ZFPM1: variants seen among roughly 807,000 people sequenced by gnomAD.
ZFPM1 encodes zinc finger protein, FOG family member 1.
In ZFPM1, 28 loss-of-function variants were observed where a neutral mutation model predicts 46.3. The observed-to-expected ratio is 0.60, with a 90% CI of 0.45 to 0.83. ZFPM1 has a LOEUF of 0.83. Ranked by LOEUF, ZFPM1 falls within the 40% of genes least tolerant of loss-of-function variation. The probability of loss-of-function intolerance (pLI) is 0.00; values close to 1 mark genes in which losing one functional copy is unlikely to be tolerated. For missense variants in ZFPM1, 1,878 were observed against 1,432.4 expected (o/e 1.31, Z -5.02); for synonymous variants, 957 against 675.9 (o/e 1.42, Z -6.45).
At chr16:88,518,204 CA>C (rs112046588) in intron 4 of ZFPM1, among the ~76,000 whole-genome samples, 2,129 of 116,246 alleles carry the variant, frequency 0.018, 56 homozygotes, top group Admixed American at 0.077. Context: ...GACTCCGTCT[CA>C]AAAAAAAAAA....
chr16:88,499,920 G>A (rs1256105816), intron 3 of ZFPM1, among the ~76,000 whole-genome samples: 1 of 152,208 alleles, frequency 6.6e-6, no homozygotes, highest in Non-Finnish European at 1.5e-5. Flanking sequence ...GACAGTGGAT[G>A]CCCCATGAGG....
At position 88,514,458 on chromosome 16, in the gene ZFPM1, T is replaced by C; in HGVS notation, c.340T>C (p.Ser114Pro). 6.4e-7 allele frequency: 1 copy of C among 1,559,612 alleles called. No individual in the cohort carries two copies. The highest frequency in any genetic ancestry group is 2.4e-5 in the East Asian group (1 of 41,846). The change falls in exon 4 of 10, where the codon TCC (serine) becomes CCC (proline). Residue 114 changes from serine (S) to proline (P), a missense_variant. By Grantham distance (74) the Ser-to-Pro change is moderately conservative. Transcript: ENST00000319555. ...RARLSLATGL[S>P]WGPFHGSVQT... The stretch of plus-strand genomic sequence containing the variant: ...CCGACTCAGCCTCGCCACGGGCCTG[T>C]CCTGGGGCCCGTTCCATGGGAGTGT...
rs946199710 is a variant in ZFPM1 at position 88,533,713 on chromosome 16, C to T, written c.1755C>T (p.Thr585=). The change falls in exon 10 of 10, where the codon ACC becomes ACT. Residue 585 remains threonine, a synonymous_variant. Coordinates refer to ENST00000319555, the MANE Select transcript of ZFPM1 (RefSeq NM_153813.3). ...CTACGTGCTTCGAGTGCGAGATCAC[C>T]TTCAGCAACGTCAACAACTACTACG... ...KGATCFECEI[T]FSNVNNYYVH... 2.0e-6 allele frequency: 3 copies of T among 1,512,400 alleles called. No homozygotes were observed. Among genetic ancestry groups the T allele is most frequent in the Non-Finnish European group, 2.7e-6 (3 of 1,124,804 alleles). The allele number at this position is 1,512,400 out of a possible 1,614,324, so 93.7% of individuals were successfully genotyped here. A position where few individuals can be genotyped will look rare whatever the true frequency, so the allele number is the denominator to read the frequency against.
rs755774717 is a variant in ZFPM1, at chr16:88,532,729, G to C, written c.1042+20G>C. 40 of 1,612,280 alleles carry C rather than the reference G, an allele frequency of 2.5e-5. No individual in the cohort carries two copies. The Middle Eastern group carries it at 4.9e-4, about 20-fold the overall frequency. On this transcript the variant is annotated intron_variant, in intron 8 of 9. Coordinates refer to ENST00000319555, the MANE Select transcript of ZFPM1 (RefSeq NM_153813.3). ...TGAGCGGTAGGCACCGCAGGGGCCG[G>C]GGGGTGTGTGGGTCCCGCCTCCCCG...
chr16:88,491,335 G>A (rs929050588), intron 3 of ZFPM1, among the ~76,000 whole-genome samples: 12 of 152,346 alleles, frequency 7.9e-5, no homozygotes, highest in South Asian at 4.1e-4. Flanking sequence ...CGCAGTGGCA[G>A]GGACCATTGT....
In ZFPM1 at chr16:88,534,381, C is replaced by A. The variant is rs765666484; in HGVS notation, c.2423C>A (p.Ala808Asp). ...SKKPRRPLPG[A>D]PAPALADYHE... The stretch of plus-strand genomic sequence containing the variant: ...AAGCCGCGGCGCCCGCTCCCCGGAG[C>A]CCCGGCACCGGCGCTGGCCGACTAC... Residue 808 changes from alanine to aspartate, a missense_variant, in exon 10 of 10, where the codon GCC becomes GAC. By Grantham distance (126) the Ala-to-Asp change is moderately radical. Transcript: ENST00000319555. 8.9e-6 allele frequency: 13 copies of A among 1,457,516 alleles called. No homozygotes were observed. The highest frequency in any genetic ancestry group is 7.4e-5 in the Admixed American group (3 of 40,622). 90.3% of individuals were successfully genotyped at this position (1,457,516 alleles called of 1,614,324 possible).
intron 4 of ZFPM1, among the ~76,000 whole-genome samples, chr16:88,526,461 G>A (rs4782343): frequency 0.05 from 5,144 of 103,202 alleles, 171 homozygotes; most frequent in East Asian, 0.23. Flanking sequence ...ACACAGATAC[G>A]CAGACCCGGG....
At chr16:88,530,126 G>C (rs1912670746) in intron 6 of ZFPM1, among the ~76,000 whole-genome samples, 2 of 152,162 alleles carry the variant, frequency 1.3e-5, no homozygotes, top group African/African-American at 4.8e-5. Flanking sequence ...CCTCCACCAG[G>C]ATGGAGAGGG....
intron 1 of ZFPM1, among the ~76,000 whole-genome samples, chr16:88,473,136 G>A (rs1201733991): frequency 6.6e-6 from 1 of 152,280 alleles, no homozygotes; most frequent in African/African-American, 2.4e-5. Context: ...CGAGGAAAAG[G>A]CTGAACTGAG....
intron 1 of ZFPM1, among the ~76,000 whole-genome samples, chr16:88,467,332 T>G (rs1037963471): frequency 1.3e-5 from 2 of 152,130 alleles, no homozygotes; most frequent in Admixed American, 6.5e-5. Flanking sequence ...GGTCTCAGTT[T>G]CCTCATCTGT....
At chr16:88,521,135 T>C (rs916158767) in intron 4 of ZFPM1, among the ~76,000 whole-genome samples, 1 of 151,866 alleles carries the variant, frequency 6.6e-6, no homozygotes, top group African/African-American at 2.4e-5. Context: ...GATGGATGGA[T>C]GGATGAATAT....
intron 4 of ZFPM1, among the ~76,000 whole-genome samples, chr16:88,518,421 T>C (rs1911501565): frequency 9.9e-6 from 1 of 101,266 alleles, no homozygotes. Flanking sequence ...GGATGGATGA[T>C]GGGTGGATGG....
Position 88,534,529 on chromosome 16 carries a change from C to T in ZFPM1, c.2571C>T (p.Pro857=), listed in dbSNP as rs760711264. ...GALGLPAAAC[P]YCPPNGPVRG... The stretch of plus-strand genomic sequence containing the variant: ...TCGGCCTGCCCGCCGCCGCCTGCCC[C>T]TACTGCCCCCCGAACGGCCCGGTGC... Residue 857 remains proline, a synonymous_variant, in exon 10 of 10, where the codon CCC becomes CCT. Transcript: ENST00000319555. The T allele has an allele frequency of 7.1e-7, 1 of 1,417,368 alleles. No homozygotes were observed. Among genetic ancestry groups the T allele is most frequent in the Non-Finnish European group, 9.2e-7 (1 of 1,088,776 alleles). The allele number at this position is 1,417,368 out of a possible 1,614,324, so 87.8% of individuals were successfully genotyped here.
At chr16:88,452,091 G>C (rs1367104111), upstream of ZFPM1, among the ~76,000 whole-genome samples, 6 of 152,222 alleles carry the variant, frequency 3.9e-5, no homozygotes, top group South Asian at 1.0e-3. Context: ...GGTCCTTCCT[G>C]TCTGCCCCTG....
At position 88,525,798 on chromosome 16, in the gene ZFPM1, G is replaced by A. The variant is rs550458116; in HGVS notation, c.403-1016G>A. Reference sequence around the variant, plus strand: ...CCCACCTCGCCCTGTCCCAGCCCCCGACTGCACTGGGATGGGGCCCCTCGC... The same window carrying A: ...CCCACCTCGCCCTGTCCCAGCCCCCAACTGCACTGGGATGGGGCCCCTCGC... On this transcript the variant is annotated intron_variant, in intron 4 of 9. Coordinates refer to ENST00000319555, the MANE Select transcript of ZFPM1 (RefSeq NM_153813.3). Among the ~76,000 whole-genome samples the A allele has an allele frequency of 2.2e-4, 33 of 152,346 alleles. No individual in the cohort carries two copies. The South Asian group carries it at 6.2e-3, about 29-fold the overall frequency.
chr16:88,488,352 C>T (rs1194714911), intron 2 of ZFPM1, among the ~76,000 whole-genome samples: 1 of 152,214 alleles, frequency 6.6e-6, no homozygotes, highest in African/African-American at 2.4e-5. Context: ...CCTGGCACCG[C>T]CCGTAGTGAT....
intron 1 of ZFPM1, 40 bp from the exon 2 acceptor site, chr16:88,485,899 C>A: frequency 2.5e-6 from 4 of 1,590,454 alleles, no homozygotes; most frequent in South Asian, 1.1e-5. Context: ...AGCTGTCCCC[C>A]CAGAGCTCCT....
At chr16:88,465,366 G>A (rs1908087127) in intron 1 of ZFPM1, among the ~76,000 whole-genome samples, 1 of 152,270 alleles carries the variant, frequency 6.6e-6, no homozygotes, top group African/African-American at 2.4e-5. Flanking sequence ...CCTCCCAGCA[G>A]CCTGGTGGTG....
chr16:88,532,686 A>G lies in ZFPM1; in HGVS notation c.1019A>G (p.Lys340Arg). 4 of 1,609,454 alleles carry G rather than the reference A, an allele frequency of 2.5e-6. No individual in the cohort carries two copies. Among genetic ancestry groups the G allele is most frequent in the African/African-American group, 1.3e-5 (1 of 74,972 alleles). Reference protein sequence around the residue: ...TTKANCERHLKVHTDTLSGVC... With the variant: ...TTKANCERHLRVHTDTLSGVC... ...AAGGCCAACTGCGAGCGGCACCTCA[A>G]GGTGCACACGGACACGCTGAGCGGT... is the stretch of plus-strand genomic sequence containing the variant. The change falls in exon 8 of 10, where the codon AAG (lysine) becomes AGG (arginine). Residue 340 changes from lysine (K) to arginine (R), a missense_variant. Transcript: ENST00000319555.
Sources: gnomAD v4.1 joint callset for allele counts (sites outside exome capture counted in the v4.1 genomes callset) on GRCh38, gnomAD v4.1.1 for gene constraint, MANE v1.5 for transcripts, NCBI Gene and HGNC (gene_info 2026-07-23, HGNC 2026-07-21) for gene names.